Variants in RBFOX1 observed in about 807,000 individuals in gnomAD.
RBFOX1 encodes RNA binding protein fox-1 homolog 1.
In RBFOX1, 8 loss-of-function variants were observed where a neutral mutation model predicts 57.7. The ratio of observed to expected loss-of-function variants is 0.14; its 90% confidence interval spans 0.08 to 0.25. The LOEUF (loss-of-function observed/expected upper bound fraction) is 0.25. Ranked by LOEUF, RBFOX1 falls within the 10% of genes least tolerant of loss-of-function variation. The pLI is 1.00. For synonymous variants in RBFOX1, 326 were observed against 222.4 expected (o/e 1.47, Z -4.15); for missense variants, 611 against 548.5 (o/e 1.11, Z -1.14).
rs189233314 is a variant in RBFOX1, at chr16:6,690,494, C to G, written c.-16+35844C>G. Among the ~76,000 whole-genome samples, 4 of 151,908 alleles carry G rather than the reference C, an allele frequency of 2.6e-5. No homozygotes were observed. The East Asian group carries it at 5.8e-4, about 22-fold the overall frequency. On this transcript the variant is annotated intron_variant, in intron 3 of 15. Coordinates refer to ENST00000550418, the MANE Select transcript of RBFOX1 (RefSeq NM_018723.4). Reference sequence around the variant, plus strand: ...CATTAAAGAAAAAAATAAAATTAACCTATTTGTTTAAAAAAATAGTATATA... The same window carrying G: ...CATTAAAGAAAAAAATAAAATTAACGTATTTGTTTAAAAAAATAGTATATA...
chr16:6,985,969 C>T (rs1201439725), intron 3 of RBFOX1, among the ~76,000 whole-genome samples: 2 of 150,938 alleles, frequency 1.3e-5, no homozygotes, highest in African/African-American at 4.9e-5. Context: ...AGGCACTTTC[C>T]AAACTTACCG....
intron 2 of RBFOX1, among the ~76,000 whole-genome samples, chr16:5,542,119 C>T (rs182133642): frequency 1.2e-4 from 19 of 152,038 alleles, no homozygotes; most frequent in African/African-American, 3.1e-4. Flanking sequence ...TGATGGTAGC[C>T]GTCAGGTCCA....
At chr16:7,005,099 G>A (rs1028293674) in intron 3 of RBFOX1, among the ~76,000 whole-genome samples, 12 of 152,052 alleles carry the variant, frequency 7.9e-5, no homozygotes, top group Non-Finnish European at 1.6e-4. Flanking sequence ...AGCTGAGATC[G>A]CGTCATTGCA....
At chr16:7,146,959 T>TA (rs1357767271) in intron 4 of RBFOX1, among the ~76,000 whole-genome samples, 2 of 43,380 alleles carry the variant, frequency 4.6e-5, no homozygotes, top group African/African-American at 8.8e-5. Flanking sequence ...AAAATAATGA[T>TA]AAAAAAGAAC....
chr16:5,680,500 A>G lies in RBFOX1; in HGVS notation c.318+81539A>G, dbSNP rs553519690. 3.3e-5 allele frequency among the ~76,000 whole-genome samples: 5 copies of G among 152,290 alleles called. No homozygotes were observed. In the South Asian group the frequency reaches 1.0e-3, roughly 32 times the overall value. ...ACTGAGACTCCCAGTGAGTCAAGCT[A>G]TTAGGTTTCTGGTTCCCTTGCAGAT... is the stretch of plus-strand genomic sequence containing the variant. On this transcript the variant is annotated intron_variant, in intron 3 of 19. Coordinates refer to the RBFOX1 transcript ENST00000641259.
chr16:6,226,641 C>T (rs1287593377), intron 1 of RBFOX1, among the ~76,000 whole-genome samples: 1 of 152,050 alleles, frequency 6.6e-6, no homozygotes, highest in Non-Finnish European at 1.5e-5. Flanking sequence ...AAAGCATTGG[C>T]CTCCAAGAGC....
chr16:6,124,025 T>A (rs2096570596), intron 1 of RBFOX1, among the ~76,000 whole-genome samples: 1 of 152,204 alleles, frequency 6.6e-6, no homozygotes, highest in Non-Finnish European at 1.5e-5. Flanking sequence ...ATTCCCTTCA[T>A]GGGGGGCTCA....
intron 2 of RBFOX1, among the ~76,000 whole-genome samples, chr16:5,598,142 CA>C (rs1339323229): frequency 6.6e-6 from 1 of 151,424 alleles, no homozygotes. Context: ...ACTAAAAATA[CA>C]AAAACTTATC....
At chr16:7,075,731 C>A (rs1213712201) in intron 4 of RBFOX1, among the ~76,000 whole-genome samples, 5 of 152,086 alleles carry the variant, frequency 3.3e-5, no homozygotes, top group Non-Finnish European at 1.5e-5. Flanking sequence ...CAGGTGCCTG[C>A]CACCACGCTC....
chr16:6,565,395 C>G (rs1336158410), intron 2 of RBFOX1, among the ~76,000 whole-genome samples: 3 of 152,080 alleles, frequency 2.0e-5, no homozygotes, highest in African/African-American at 4.8e-5. Flanking sequence ...GTAGCTGGAA[C>G]TACAGGCGCC....
At chr16:5,748,521 AG>A (rs1324050094) in intron 3 of RBFOX1, among the ~76,000 whole-genome samples, 1 of 152,116 alleles carries the variant, frequency 6.6e-6, no homozygotes, top group Non-Finnish European at 1.5e-5. Context: ...GTCTCTTTGT[AG>A]GTCTCTAAGG....
chr16:6,705,835 T>C (rs1295343683), intron 3 of RBFOX1, among the ~76,000 whole-genome samples: 3 of 152,066 alleles, frequency 2.0e-5, no homozygotes, highest in East Asian at 3.9e-4. Context: ...CTGGCTAACA[T>C]GGCAAAACCC....
At chr16:6,489,763 A>G (rs1399231703) in intron 2 of RBFOX1, among the ~76,000 whole-genome samples, 4 of 152,154 alleles carry the variant, frequency 2.6e-5, no homozygotes, top group African/African-American at 9.7e-5. Context: ...CTGCAGATGC[A>G]CTTCACCTGG....
intron 3 of RBFOX1, among the ~76,000 whole-genome samples, chr16:6,905,347 A>T (rs1045024487): frequency 6.6e-6 from 1 of 151,960 alleles, no homozygotes; most frequent in Non-Finnish European, 1.5e-5. Context: ...TGAGGTTGGG[A>T]GTTCGAGACT....
intron 3 of RBFOX1, among the ~76,000 whole-genome samples, chr16:7,043,598 A>C (rs908045120): frequency 2.6e-5 from 4 of 152,248 alleles, no homozygotes; most frequent in Admixed American, 2.0e-4. Flanking sequence ...TGATATATTG[A>C]GTTCTATGCT....
At chr16:5,803,800 A>G (rs1216711646) in intron 3 of RBFOX1, among the ~76,000 whole-genome samples, 2 of 152,156 alleles carry the variant, frequency 1.3e-5, no homozygotes, top group African/African-American at 2.4e-5. Context: ...ATGTTGCTTC[A>G]GTTAAAGGTC....
intron 2 of RBFOX1, among the ~76,000 whole-genome samples, chr16:6,629,589 G>C (rs543030267): frequency 3.3e-5 from 5 of 152,280 alleles, no homozygotes; most frequent in African/African-American, 1.2e-4. Flanking sequence ...GGTGGTTAGG[G>C]TGGGTGTCTG....
intron 3 of RBFOX1, among the ~76,000 whole-genome samples, chr16:6,783,568 A>C (rs2081396289): frequency 6.6e-6 from 1 of 151,860 alleles, no homozygotes; most frequent in Non-Finnish European, 1.5e-5. Flanking sequence ...CTGCAGTCTG[A>C]CTTTTTGCTA....
intron 2 of RBFOX1, among the ~76,000 whole-genome samples, chr16:6,652,485 C>G (rs1357871819): frequency 6.6e-6 from 1 of 151,740 alleles, no homozygotes; most frequent in African/African-American, 2.4e-5. Flanking sequence ...GTCTCCCTTT[C>G]TCTCTCTCTC....
Sources: gnomAD v4.1 joint callset for allele counts (sites outside exome capture counted in the v4.1 genomes callset) on GRCh38, gnomAD v4.1.1 for gene constraint, MANE v1.5 for transcripts, NCBI Gene and HGNC (gene_info 2026-07-23, HGNC 2026-07-21) for gene names.